Variants in CCNJL observed in about 807,000 individuals in gnomAD.
CCNJL encodes cyclin J like.
CCNJL carries 33 observed loss-of-function variants against 33.4 expected under a neutral mutation model. That is an observed-to-expected ratio of 0.99 (90% CI 0.75 to 1.32). The LOEUF (loss-of-function observed/expected upper bound fraction) is 1.32, where lower values mean the gene tolerates loss of function less well. Among genes scored for constraint, CCNJL ranks in the 40% most tolerant of loss-of-function variants. The probability of loss-of-function intolerance (pLI) is 0.00; values close to 1 mark genes in which losing one functional copy is unlikely to be tolerated. For missense variants in CCNJL, 512 were observed against 499.7 expected (o/e 1.02, Z -0.23); for synonymous variants, 227 against 220.9 (o/e 1.03, Z -0.24).
In CCNJL at chr5:160,320,996, TTCTC is replaced by T. The variant is rs138268750; in HGVS notation, n.207-5495_207-5492del. On this transcript the variant is annotated intron_variant and non_coding_transcript_variant, in intron 1 of 7. Coordinates refer to the CCNJL transcript ENST00000377503. ...TCCCTCCCTCTCTCTCTTTCTTTCTTTCTCTCTCTCTCTCTCTCTTTCTTTCTTT... is the reference window on the plus strand; with the variant it reads ...TCCCTCCCTCTCTCTCTTTCTTTCTTTCTCTCTCTCTCTCTTTCTTTCTTT... Among the ~76,000 whole-genome samples the T allele has an allele frequency of 4.0e-3, 393 of 97,132 alleles. 11 individuals are homozygous for T. The highest frequency in any genetic ancestry group is 5.3e-3 in the East Asian group (17 of 3,222). 63.7% of individuals were successfully genotyped at this position (97,132 alleles called of 152,430 possible).
At position 160,257,551 on chromosome 5, in the gene CCNJL, G is replaced by A. The variant is rs547703884; in HGVS notation, c.584-1843C>T. On this transcript the variant is annotated intron_variant, in intron 4 of 5. Transcript: ENST00000257536. ...GTTACAGCTGGGTGTGGTGGCTCACGCCTGTAATCCCAGCTCTCAGGGAGG... is the reference window on the plus strand; with the variant it reads ...GTTACAGCTGGGTGTGGTGGCTCACACCTGTAATCCCAGCTCTCAGGGAGG... Among the ~76,000 whole-genome samples the A allele has an allele frequency of 3.9e-5, 6 of 152,086 alleles. No homozygotes were observed. The East Asian group carries it at 7.7e-4, about 20-fold the overall frequency.
At chr5:160,289,747 G>A (rs1762523493) in intron 2 of CCNJL, among the ~76,000 whole-genome samples, 1 of 152,194 alleles carries the variant, frequency 6.6e-6, no homozygotes, top group South Asian at 2.1e-4. Context: ...GGGCTGCCTG[G>A]ACAGGTCTCT....
intron 2 of CCNJL, among the ~76,000 whole-genome samples, chr5:160,307,270 A>T (rs1763123117): frequency 6.6e-6 from 1 of 152,200 alleles, no homozygotes. Context: ...GGCACACCTC[A>T]TACCTGCAAG....
chr5:160,319,930 T>TAAATAAATAAATA (rs550582948), intron 1 of CCNJL, among the ~76,000 whole-genome samples: 19 of 151,486 alleles, frequency 1.3e-4, no homozygotes, highest in African/African-American at 3.6e-4. Flanking sequence ...AATAAATAAA[T>TAAATAAATAAATA]AATAAATAAA....
At chr5:160,272,953 T>C (rs1761889139) in intron 3 of CCNJL, among the ~76,000 whole-genome samples, 1 of 152,126 alleles carries the variant, frequency 6.6e-6, no homozygotes. Context: ...GAGAAATCAT[T>C]ACATAAATGA....
chr5:160,312,909 T>G (rs1392380511), upstream of CCNJL: 1 of 151,540 alleles, frequency 6.6e-6, no homozygotes, highest in Non-Finnish European at 1.5e-5. Flanking sequence ...TTACGTCGGT[T>G]CCACCTGTTT....
Position 160,249,344 on chromosome 5 carries a change from T to C in CCNJL, c.*4034A>G, listed in dbSNP as rs1372072272. On this transcript the variant is annotated 3_prime_UTR_variant, in exon 6 of 6. Transcript: ENST00000257536. Reference sequence around the variant, plus strand: ...TGGAAAAAGTTCTATTATGTTGACATGCTTAAATATTGGTATATTGAGTAT... The same window carrying C: ...TGGAAAAAGTTCTATTATGTTGACACGCTTAAATATTGGTATATTGAGTAT... 6.6e-6 allele frequency: 1 copy of C among 152,252 alleles called. No homozygotes were observed. The highest frequency in any genetic ancestry group is 2.4e-5 in the African/African-American group (1 of 41,468). 9.4% of individuals were successfully genotyped at this position (152,252 alleles called of 1,614,324 possible).
At chr5:160,256,777 G>GC (rs1761081353) in intron 4 of CCNJL, among the ~76,000 whole-genome samples, 1 of 151,978 alleles carries the variant, frequency 6.6e-6, no homozygotes, top group African/African-American at 2.4e-5. Flanking sequence ...AATTAGCCAC[G>GC]CGTGGTGGTG....
At chr5:160,314,556 TG>T (rs1561810856), upstream of CCNJL, among the ~76,000 whole-genome samples, 1 of 152,136 alleles carries the variant, frequency 6.6e-6, no homozygotes, top group East Asian at 1.9e-4. Context: ...TACTAAGACA[TG>T]GGAAGAAACC....
chr5:160,253,768 T>C lies in CCNJL; in HGVS notation c.774A>G (p.Val258=). ...VVYDNVLKDA[V]AVKSQALAMV... The stretch of plus-strand genomic sequence containing the variant: ...TTGCCAAGGCCTGGCTCTTGACGGC[T>C]ACGGCATCCTTGAGGACGTTGTCAT... Residue 258 remains valine (V), a synonymous_variant, in exon 6 of 6, where the codon GTA becomes GTG. Transcript: ENST00000257536. 2.0e-6 allele frequency: 3 copies of C among 1,527,512 alleles called. No individual in the cohort carries two copies. Among genetic ancestry groups the C allele is most frequent in the Non-Finnish European group, 2.6e-6 (3 of 1,140,388 alleles). The allele number at this position is 1,527,512 out of a possible 1,614,324, so 94.6% of individuals were successfully genotyped here.
chr5:160,282,553 CAT>C lies in CCNJL; in HGVS notation c.67-1817_67-1816del, dbSNP rs201990354. On this transcript the variant is annotated intron_variant, in intron 2 of 5. Transcript: ENST00000257536. ...AATGGAGGAAAATATTTGAAAATCA[CAT>C]GTTAATAAAAGACTGTATCCAGAAC... Among the ~76,000 whole-genome samples, 1,458 of 152,150 alleles carry C rather than the reference CAT, an allele frequency of 9.6e-3. 17 individuals carry two copies. The highest frequency in any genetic ancestry group is 0.03 in the African/African-American group (1,251 of 41,516).
chr5:160,327,807 C>G (rs972551196), intron 1 of CCNJL, among the ~76,000 whole-genome samples: 2 of 152,204 alleles, frequency 1.3e-5, no homozygotes, highest in African/African-American at 4.8e-5. Context: ...TCCAAATAAA[C>G]TATCTGTATC....
At chr5:160,257,719 A>G (rs944016971) in intron 4 of CCNJL, among the ~76,000 whole-genome samples, 4 of 152,080 alleles carry the variant, frequency 2.6e-5, no homozygotes, top group African/African-American at 9.7e-5. Context: ...TTTGTAAAAT[A>G]TGATTAATGG....
At chr5:160,308,674 T>C (rs915326779) in intron 2 of CCNJL, among the ~76,000 whole-genome samples, 16 of 152,122 alleles carry the variant, frequency 1.1e-4, no homozygotes, top group Admixed American at 2.6e-4. Context: ...AGGAGAATGG[T>C]GTGAACCCGG....
At chr5:160,302,683 A>T (rs1460568236) in intron 2 of CCNJL, among the ~76,000 whole-genome samples, 1 of 152,020 alleles carries the variant, frequency 6.6e-6, no homozygotes, top group Non-Finnish European at 1.5e-5. Context: ...GTCATGGCAC[A>T]TGCCTGTAAT....
rs1480116392 is a variant in CCNJL at position 160,255,646 on chromosome 5, T to A, written c.646A>T (p.Ile216Phe). The A allele has an allele frequency of 6.2e-7, 1 of 1,613,926 alleles. No individual in the cohort carries two copies. Among genetic ancestry groups the A allele is most frequent in the African/African-American group, 1.3e-5 (1 of 74,896 alleles). ...VAAACVGASR[I>F]CLQLSPYWTR... ...CAGTAGGGAGAAAGCTGCAGGCAAATCCTGGAGGCCCCAACACAGGCCGCA... is the reference window on the plus strand; with the variant it reads ...CAGTAGGGAGAAAGCTGCAGGCAAAACCTGGAGGCCCCAACACAGGCCGCA... Residue 216 changes from isoleucine to phenylalanine, a missense_variant, in exon 5 of 6, where the codon ATT becomes TTT. Ile to Phe is a conservative substitution (Grantham distance 21). Coordinates refer to ENST00000257536, the MANE Select transcript of CCNJL (RefSeq NM_001308173.3).
chr5:160,331,935 G>T (rs4315961), intron 1 of CCNJL, among the ~76,000 whole-genome samples: 1 of 151,912 alleles, frequency 6.6e-6, no homozygotes, highest in African/African-American at 2.4e-5. Flanking sequence ...CCATGTCAGA[G>T]CTACTCAATC....
At position 160,319,122 on chromosome 5, in the gene CCNJL, T is replaced by C. The variant is rs551215322; in HGVS notation, n.207-3617A>G. ...TCCAAAGATATTCTCTCTTTCTCTTTTGTTTTAAGAGATGGAGTTTTGCTC... is the reference window on the plus strand; with the variant it reads ...TCCAAAGATATTCTCTCTTTCTCTTCTGTTTTAAGAGATGGAGTTTTGCTC... On this transcript the variant is annotated intron_variant and non_coding_transcript_variant, in intron 1 of 7. Transcript: ENST00000377503. 4.6e-5 allele frequency among the ~76,000 whole-genome samples: 7 copies of C among 152,292 alleles called. No individual in the cohort carries two copies. The East Asian group carries it at 1.3e-3, about 29-fold the overall frequency.
chr5:160,287,497 C>T (rs946290993), intron 2 of CCNJL, among the ~76,000 whole-genome samples: 1 of 152,226 alleles, frequency 6.6e-6, no homozygotes, highest in Non-Finnish European at 1.5e-5. Context: ...CTGCAGCATG[C>T]CTATCCTGTT....
Sources: gnomAD v4.1 joint callset for allele counts (sites outside exome capture counted in the v4.1 genomes callset) on GRCh38, gnomAD v4.1.1 for gene constraint, MANE v1.5 for transcripts, NCBI Gene and HGNC (gene_info 2026-07-23, HGNC 2026-07-21) for gene names.